Variants in HEMK2 observed in about 807,000 individuals in gnomAD.
HEMK2 encodes the protein HemK methyltransferase 2, ETF1 glutamine and histone H4 lysine, also known as methyltransferase HEMK2.
the HEMK2 span, among the ~76,000 whole-genome samples, chr21:28,749,320 G>T: frequency 6.6e-6 from 1 of 152,130 alleles, no homozygotes; most frequent in Non-Finnish European, 1.5e-5. Flanking sequence ...TATGGGCCAA[G>T]CATTGTTCCA....
the HEMK2 span, among the ~76,000 whole-genome samples, chr21:28,737,731 C>T: frequency 3.3e-5 from 5 of 152,250 alleles, no homozygotes; most frequent in African/African-American, 1.2e-4. Flanking sequence ...GAGAACTGTG[C>T]CTTTCTCTAC....
the HEMK2 span, among the ~76,000 whole-genome samples, chr21:28,869,323 C>T: frequency 3.3e-5 from 5 of 152,162 alleles, no homozygotes; most frequent in African/African-American, 1.2e-4. Flanking sequence ...TCAACTTGGT[C>T]ACAGTGTATC....
the HEMK2 span, among the ~76,000 whole-genome samples, chr21:28,835,844 G>T: frequency 1.3e-5 from 2 of 152,092 alleles, no homozygotes; most frequent in Non-Finnish European, 2.9e-5. Flanking sequence ...GCAAAATGCT[G>T]TGGAAAATCT....
At chr21:28,593,462 C>T in the HEMK2 span, among the ~76,000 whole-genome samples, 3 of 152,142 alleles carry the variant, frequency 2.0e-5, no homozygotes, top group Non-Finnish European at 4.4e-5. Context: ...AACAACATCA[C>T]ATGAGCAATG....
the HEMK2 span, among the ~76,000 whole-genome samples, chr21:28,688,344 A>G: frequency 1.3e-5 from 2 of 152,234 alleles, no homozygotes; most frequent in Non-Finnish European, 2.9e-5. Context: ...AGATTTTTCA[A>G]CAGTAATTGA....
At chr21:28,864,820 C>T in the HEMK2 span, among the ~76,000 whole-genome samples, 57,240 of 118,562 alleles carry the variant, frequency 0.48, 12,317 homozygotes, top group African/African-American at 0.55. Context: ...GACAGACAGA[C>T]AGATAGATAG....
At chr21:28,607,306 G>C in the HEMK2 span, among the ~76,000 whole-genome samples, 1 of 152,102 alleles carries the variant, frequency 6.6e-6, no homozygotes, top group Non-Finnish European at 1.5e-5. Flanking sequence ...AGCTACTTGG[G>C]AGGCTGAGGC....
the HEMK2 span, among the ~76,000 whole-genome samples, chr21:28,702,973 A>G: frequency 6.6e-6 from 1 of 152,180 alleles, no homozygotes; most frequent in African/African-American, 2.4e-5. Context: ...GGAATACTAC[A>G]CAGCCATAAA....
At chr21:28,845,061 C>T in the HEMK2 span, among the ~76,000 whole-genome samples, 1 of 152,006 alleles carries the variant, frequency 6.6e-6, no homozygotes, top group Non-Finnish European at 1.5e-5. Flanking sequence ...ATTCAATTTT[C>T]TAGATCTTCT....
chr21:28,883,762 T>C, the HEMK2 span, among the ~76,000 whole-genome samples: 1 of 152,218 alleles, frequency 6.6e-6, no homozygotes. Context: ...CTCTGTCACC[T>C]AGGCTAGAGT....
the HEMK2 span, among the ~76,000 whole-genome samples, chr21:28,626,307 T>C: frequency 2.0e-5 from 3 of 152,196 alleles, no homozygotes; most frequent in African/African-American, 7.2e-5. Flanking sequence ...TGTGAAGTAG[T>C]AAACTTTGAT....
At chr21:28,882,308 G>A in the HEMK2 span, 25 of 1,283,388 alleles carry the variant, frequency 1.9e-5, no homozygotes, top group Non-Finnish European at 2.7e-5. Context: ...ATCTGTTACT[G>A]AGTAATATCA....
At chr21:28,755,899 C>T in the HEMK2 span, among the ~76,000 whole-genome samples, 4 of 152,158 alleles carry the variant, frequency 2.6e-5, no homozygotes, top group South Asian at 2.1e-4. Context: ...CCTATATGCA[C>T]GAAGAAGAGC....
the HEMK2 span, among the ~76,000 whole-genome samples, chr21:28,710,007 C>T: frequency 2.2e-4 from 33 of 152,204 alleles, no homozygotes; most frequent in Non-Finnish European, 5.9e-5. Flanking sequence ...GGTTTACAAA[C>T]ATTCCCATGT....
the HEMK2 span, among the ~76,000 whole-genome samples, chr21:28,844,423 A>G: frequency 1.3e-5 from 2 of 152,058 alleles, no homozygotes; most frequent in East Asian, 1.9e-4. Flanking sequence ...TACAATTTCT[A>G]TATCTTGTCT....
chr21:28,821,457 A>C, the HEMK2 span, among the ~76,000 whole-genome samples: 1 of 152,210 alleles, frequency 6.6e-6, no homozygotes, highest in African/African-American at 2.4e-5. Flanking sequence ...CTTTCAATAG[A>C]TACTTAGTAA....
the HEMK2 span, chr21:28,885,172 C>T: frequency 6.6e-7 from 1 of 1,513,022 alleles, no homozygotes; most frequent in Non-Finnish European, 9.0e-7. Context: ...CTTCAGAAAG[C>T]CGCAACCCTT....
the HEMK2 span, among the ~76,000 whole-genome samples, chr21:28,846,101 T>C: frequency 6.6e-6 from 1 of 152,206 alleles, no homozygotes; most frequent in Non-Finnish European, 1.5e-5. Context: ...TCCAGCTCCA[T>C]CCATGCTGCT....
the HEMK2 span, among the ~76,000 whole-genome samples, chr21:28,737,796 C>T: frequency 2.6e-5 from 4 of 152,188 alleles, no homozygotes; most frequent in Non-Finnish European, 5.9e-5. Context: ...TTCACCAAGC[C>T]CTGCTTAACT....
Sources: gnomAD v4.1 joint callset for allele counts (sites outside exome capture counted in the v4.1 genomes callset) on GRCh38, gnomAD v4.1.1 for gene constraint, MANE v1.5 for transcripts, NCBI Gene and HGNC (gene_info 2026-07-23, HGNC 2026-07-21) for gene names.